Variants in MAP4K4 observed in about 807,000 individuals in gnomAD.
MAP4K4 encodes mitogen-activated protein kinase kinase kinase kinase 4, also known as HPK/GCK-like kinase HGK.
A neutral mutation model predicts 189.6 loss-of-function variants in MAP4K4; 38 were observed. The ratio of observed to expected loss-of-function variants is 0.20; its 90% CI spans 0.15 to 0.26. The LOEUF is 0.26. Among genes scored for constraint, MAP4K4 ranks in the 10% least tolerant of loss-of-function variants. The probability of loss-of-function intolerance (pLI) is 1.00; values close to 1 mark genes in which losing one functional copy is unlikely to be tolerated. For missense variants in MAP4K4, 1,054 were observed against 1,726.9 expected (o/e 0.61, Z 6.91); for synonymous variants, 610 against 624.3 (o/e 0.98, Z 0.34).
intron 2 of MAP4K4, among the ~76,000 whole-genome samples, chr2:101,714,137 G>A (rs192560404): frequency 3.2e-4 from 48 of 152,286 alleles, no homozygotes; most frequent in Middle Eastern, 3.4e-3. Flanking sequence ...TGGTGCTGCG[G>A]AATGCTAAAC....
intron 26 of MAP4K4, 60 bp downstream of exon 26, chr2:101,874,312 C>T: frequency 1.4e-6 from 2 of 1,462,482 alleles, no homozygotes. Flanking sequence ...GGCTGGTCTT[C>T]TAGAGAAGTA....
intron 2 of MAP4K4, among the ~76,000 whole-genome samples, chr2:101,757,848 C>T (rs1433359352): frequency 6.6e-6 from 1 of 152,088 alleles, no homozygotes; most frequent in Non-Finnish European, 1.5e-5. Flanking sequence ...GGTGAAATCC[C>T]GTCTCTACTA....
intron 2 of MAP4K4, among the ~76,000 whole-genome samples, chr2:101,761,657 C>T (rs1436108865): frequency 6.6e-6 from 1 of 151,260 alleles, no homozygotes; most frequent in Non-Finnish European, 1.5e-5. Context: ...CTCCCAGGTT[C>T]AAGCAATTCT....
rs1296906901 is a variant in MAP4K4, at chr2:101,882,666, A to T, written c.3501A>T (p.Gly1167=). 1.7e-5 allele frequency: 27 copies of T among 1,599,678 alleles called. No homozygotes were observed. In the Admixed American group the frequency reaches 4.6e-4, roughly 27 times the overall value. The change falls in exon 28 of 33, where the codon GGA becomes GGT. Residue 1167 remains glycine (G), a synonymous_variant. Transcript: ENST00000324219. ...GGACAACCGTAGGGGATTTGGAAGG[A>T]TGTGTACATTATAAAGTTGGTAAGT... is the stretch of plus-strand genomic sequence containing the variant.
intron 3 of MAP4K4, among the ~76,000 whole-genome samples, chr2:101,806,449 C>T (rs1238707401): frequency 1.3e-5 from 2 of 150,368 alleles, no homozygotes; most frequent in African/African-American, 4.9e-5. Flanking sequence ...GATCACGGCT[C>T]ACTGCAACCT....
At chr2:101,741,474 A>T (rs933811584) in intron 2 of MAP4K4, among the ~76,000 whole-genome samples, 4 of 152,132 alleles carry the variant, frequency 2.6e-5, no homozygotes, top group African/African-American at 7.2e-5. Context: ...GGCCAGTAGT[A>T]GGTGTTTTTC....
chr2:101,842,427 A>T (rs1222177358), intron 10 of MAP4K4, among the ~76,000 whole-genome samples, 182 bp from the exon 11 acceptor site: 1 of 152,136 alleles, frequency 6.6e-6, no homozygotes, highest in African/African-American at 2.4e-5. Context: ...TGACCAGGGA[A>T]TAGATGCTGT....
At chr2:101,725,434 T>C (rs1429401213) in intron 2 of MAP4K4, among the ~76,000 whole-genome samples, 1 of 149,738 alleles carries the variant, frequency 6.7e-6, no homozygotes, top group African/African-American at 2.5e-5. Context: ...ACAAAACATA[T>C]GTTTTGTTTT....
At position 101,859,882 on chromosome 2, in the gene MAP4K4, T is replaced by G. The variant is rs761712207; in HGVS notation, c.1704+18T>G. The G allele has an allele frequency of 3.8e-6, 6 of 1,579,826 alleles. 1 individual carries two copies. The Admixed American group carries it at 1.1e-4, about 29-fold the overall frequency. Reference sequence around the variant, plus strand: ...CGCGAGAGGTATCCTCTTTCCTTTGTCACTTAGACATTGCCCTGGAAAGTC... The same window carrying G: ...CGCGAGAGGTATCCTCTTTCCTTTGGCACTTAGACATTGCCCTGGAAAGTC... On this transcript the variant is annotated intron_variant, in intron 15 of 32. Transcript: ENST00000324219.
chr2:101,851,050 A>G (rs1295885879), intron 12 of MAP4K4, among the ~76,000 whole-genome samples: 2 of 152,232 alleles, frequency 1.3e-5, no homozygotes, highest in Non-Finnish European at 1.5e-5. Context: ...ACTAGATCTC[A>G]CTATTACTAG....
intron 2 of MAP4K4, among the ~76,000 whole-genome samples, chr2:101,771,187 A>G (rs1483689106): frequency 6.6e-6 from 1 of 152,132 alleles, no homozygotes; most frequent in African/African-American, 2.4e-5. Flanking sequence ...GGGATGGTGG[A>G]GGGGAGCTAT....
At chr2:101,717,334 G>A (rs528203127) in intron 2 of MAP4K4, among the ~76,000 whole-genome samples, 14 of 152,294 alleles carry the variant, frequency 9.2e-5, no homozygotes, top group East Asian at 1.9e-4. Context: ...TAATGAAGGC[G>A]AAAAGAGATA....
chr2:101,867,113 TG>T, intron 19 of MAP4K4, 98 bp from the exon 20 acceptor site: 1 of 688,868 alleles, frequency 1.5e-6, no homozygotes, highest in Non-Finnish European at 2.5e-6. Context: ...CTACCATGAG[TG>T]GGCAGACAGG....
At chr2:101,744,757 G>C (rs2064441785) in intron 2 of MAP4K4, among the ~76,000 whole-genome samples, 1 of 152,130 alleles carries the variant, frequency 6.6e-6, no homozygotes, top group Non-Finnish European at 1.5e-5. Flanking sequence ...TTGCTGATCT[G>C]TTCATCCTAA....
intron 3 of MAP4K4, among the ~76,000 whole-genome samples, chr2:101,803,840 A>G (rs1490971476): frequency 6.6e-6 from 1 of 152,298 alleles, no homozygotes; most frequent in African/African-American, 2.4e-5. Flanking sequence ...AAGGAAAGAC[A>G]TTTTTGGTGA....
At chr2:101,786,730 A>G (rs1341982267) in intron 2 of MAP4K4, among the ~76,000 whole-genome samples, 1 of 152,200 alleles carries the variant, frequency 6.6e-6, no homozygotes, top group Non-Finnish European at 1.5e-5. Flanking sequence ...CTGCCATTGT[A>G]TCGTGGGCAG....
exon 33 of MAP4K4, chr2:101,894,524 A>C (rs2098602370): frequency 6.5e-6 from 1 of 152,802 alleles, no homozygotes; most frequent in Non-Finnish European, 1.5e-5. Flanking sequence ...AAATAGTAAT[A>C]CAAATGACAA....
chr2:101,717,152 C>A (rs2149385703), intron 2 of MAP4K4, among the ~76,000 whole-genome samples: 1 of 152,156 alleles, frequency 6.6e-6, no homozygotes. Flanking sequence ...GCTCAAATAC[C>A]TTAATTCATG....
chr2:101,792,968 C>T (rs1235653188), intron 3 of MAP4K4, among the ~76,000 whole-genome samples: 1 of 152,150 alleles, frequency 6.6e-6, no homozygotes, highest in Non-Finnish European at 1.5e-5. Context: ...GTTAGTGCTT[C>T]AGTGTATTTC....
Sources: allele counts gnomAD v4.1 joint callset (sites outside exome capture counted in the v4.1 genomes callset), GRCh38; gene constraint gnomAD v4.1.1; transcripts MANE v1.5; gene names NCBI Gene and HGNC (gene_info 2026-07-23, HGNC 2026-07-21).